The following EYA1 variants were observed in gnomAD, a reference collection of about 807,000 sequenced individuals.
EYA1 encodes the protein protein phosphatase EYA1.
A neutral mutation model predicts 82.0 loss-of-function variants in EYA1; 16 were observed. The observed-to-expected ratio is 0.20, with a 90% CI of 0.13 to 0.30. EYA1 has a LOEUF of 0.30. Ranked by LOEUF, EYA1 falls within the 10% of genes least tolerant of loss-of-function variation. The probability of loss-of-function intolerance (pLI) is 1.00; values close to 1 mark genes in which losing one functional copy is unlikely to be tolerated. For synonymous variants in EYA1, 261 were observed against 264.4 expected (o/e 0.99, Z 0.12); for missense variants, 633 against 730.7 (o/e 0.87, Z 1.54).
rs188434196 is a variant in EYA1 at position 71,332,633 on chromosome 8, T to C, written c.202+1464A>G. 2.6e-5 allele frequency among the ~76,000 whole-genome samples: 4 copies of C among 152,298 alleles called. No homozygotes were observed. The East Asian group carries it at 7.7e-4, about 29-fold the overall frequency. ...CTTCAGCTCACCTGCCCCTAATTCATCCTGCCATGGTGGCCATAATTCTGT... is the reference window on the plus strand; with the variant it reads ...CTTCAGCTCACCTGCCCCTAATTCACCCTGCCATGGTGGCCATAATTCTGT... On this transcript the variant is annotated intron_variant, in intron 4 of 17. Coordinates refer to ENST00000340726, the MANE Select transcript of EYA1 (RefSeq NM_000503.6).
intron 2 of EYA1, among the ~76,000 whole-genome samples, chr8:71,402,676 G>C (rs1034616113): frequency 3.9e-5 from 6 of 152,114 alleles, no homozygotes; most frequent in Non-Finnish European, 8.8e-5. Flanking sequence ...TTGAAGAGTA[G>C]GGCAAGACTG....
intron 2 of EYA1, among the ~76,000 whole-genome samples, chr8:71,455,592 G>C (rs1252957537): frequency 6.6e-6 from 1 of 152,198 alleles, no homozygotes; most frequent in African/African-American, 2.4e-5. Flanking sequence ...TGGGATGCAA[G>C]GCTGGTTCAA....
intron 11 of EYA1, among the ~76,000 whole-genome samples, chr8:71,245,913 AT>A (rs1252059617): frequency 6.6e-6 from 1 of 151,892 alleles, no homozygotes; most frequent in Non-Finnish European, 1.5e-5. Flanking sequence ...CTATCTAAAA[AT>A]TCAAGTGTTG....
chr8:71,547,357 A>T (rs761729944), intron 1 of EYA1, among the ~76,000 whole-genome samples: 85 of 151,028 alleles, frequency 5.6e-4, no homozygotes, highest in Non-Finnish European at 9.4e-4. Flanking sequence ...ATCAGTTACC[A>T]CCTCCCCGAA....
chr8:71,336,706 T>G (rs1186772380), intron 3 of EYA1, among the ~76,000 whole-genome samples: 4 of 152,200 alleles, frequency 2.6e-5, no homozygotes, highest in Non-Finnish European at 5.9e-5. Flanking sequence ...AACACTGCTT[T>G]TCACCATTGT....
chr8:71,356,726 G>C (rs566240595), intron 1 of EYA1: 24 of 1,230,060 alleles, frequency 2.0e-5, no homozygotes, highest in Middle Eastern at 3.1e-4. Flanking sequence ...CCCTTGTCAG[G>C]GGGGGAAGGC....
At chr8:71,215,049 TTGC>T (rs1347406236) in intron 16 of EYA1, among the ~76,000 whole-genome samples, 1 of 152,232 alleles carries the variant, frequency 6.6e-6, no homozygotes, top group Non-Finnish European at 1.5e-5. Context: ...TAATTCTATC[TTGC>T]TGTTTGTTTT....
intron 2 of EYA1, among the ~76,000 whole-genome samples, chr8:71,518,504 C>A (rs1813152954): frequency 6.6e-6 from 1 of 152,134 alleles, no homozygotes; most frequent in African/African-American, 2.4e-5. Context: ...TGACCATTAC[C>A]TCCCATGAAA....
At chr8:71,349,222 A>G (rs984251464) in intron 3 of EYA1, among the ~76,000 whole-genome samples, 1 of 152,168 alleles carries the variant, frequency 6.6e-6, no homozygotes. Context: ...ACCGGACTAT[A>G]ACCACCCTGA....
chr8:71,351,641 T>A (rs1366170296), intron 3 of EYA1, among the ~76,000 whole-genome samples: 1 of 152,210 alleles, frequency 6.6e-6, no homozygotes, highest in Non-Finnish European at 1.5e-5. Context: ...TGTCTTTCTG[T>A]CTTTATCCCT....
At chr8:71,265,959 C>T (rs184767634) in intron 11 of EYA1, among the ~76,000 whole-genome samples, 51 of 152,322 alleles carry the variant, frequency 3.3e-4, no homozygotes, top group East Asian at 5.8e-4. Context: ...TAACACCCAA[C>T]GTGCCTTCTT....
chr8:71,340,918 T>C (rs1825052713), intron 3 of EYA1, among the ~76,000 whole-genome samples: 2 of 152,182 alleles, frequency 1.3e-5, no homozygotes, highest in South Asian at 4.1e-4. Context: ...TTCATACTAC[T>C]AGACACATTG....
intron 2 of EYA1, among the ~76,000 whole-genome samples, chr8:71,392,246 C>T (rs966159814): frequency 1.3e-5 from 2 of 152,090 alleles, no homozygotes; most frequent in Non-Finnish European, 2.9e-5. Flanking sequence ...AAGGAAAACT[C>T]CTGAAGACTT....
chr8:71,288,463 T>C lies in EYA1; in HGVS notation c.826+10584A>G, dbSNP rs73288381. Among the ~76,000 whole-genome samples the C allele has an allele frequency of 9.0e-3, 1,364 of 152,278 alleles. 24 individuals are homozygous for C. Among genetic ancestry groups the C allele is most frequent in the African/African-American group, 0.031 (1,294 of 41,548 alleles). On this transcript the variant is annotated intron_variant, in intron 9 of 17. Coordinates refer to ENST00000340726, the MANE Select transcript of EYA1 (RefSeq NM_000503.6). Reference sequence around the variant, plus strand: ...GTCACCAATGGCAGGCTGTGCTGCTTAGGAAAAATTTAATCTTTCTGGATT... The same window carrying C: ...GTCACCAATGGCAGGCTGTGCTGCTCAGGAAAAATTTAATCTTTCTGGATT...
chr8:71,402,833 G>T (rs1370829688), intron 2 of EYA1, among the ~76,000 whole-genome samples: 2 of 152,066 alleles, frequency 1.3e-5, no homozygotes, highest in Non-Finnish European at 2.9e-5. Flanking sequence ...CATGACAAAG[G>T]TGCCATTTCA....
At chr8:71,352,858 A>G (rs1406645795) in intron 3 of EYA1, among the ~76,000 whole-genome samples, 6 of 152,214 alleles carry the variant, frequency 3.9e-5, no homozygotes, top group Admixed American at 3.9e-4. Flanking sequence ...ACTCACACAA[A>G]GCCATCTAAG....
intron 3 of EYA1, 116 bp from the exon 4 acceptor site, chr8:71,334,290 C>T: frequency 2.4e-6 from 2 of 848,674 alleles, no homozygotes; most frequent in Non-Finnish European, 4.0e-6. Context: ...AAACATTTTC[C>T]CTAACTGAAC....
intron 2 of EYA1, among the ~76,000 whole-genome samples, chr8:71,490,459 C>T (rs549745799): frequency 6.6e-5 from 10 of 151,990 alleles, no homozygotes; most frequent in Non-Finnish European, 1.3e-4. Context: ...AAGGCTTTTA[C>T]GACTTATGTT....
intron 2 of EYA1, among the ~76,000 whole-genome samples, chr8:71,370,060 A>G (rs10100859): frequency 0.46 from 70,096 of 151,770 alleles, 16,609 homozygotes; most frequent in African/African-American, 0.52. Flanking sequence ...ACCATATACC[A>G]CATTCTAGCT....
Sources: gnomAD v4.1 joint callset for allele counts (sites outside exome capture counted in the v4.1 genomes callset) on GRCh38, gnomAD v4.1.1 for gene constraint, MANE v1.5 for transcripts, NCBI Gene and HGNC (gene_info 2026-07-23, HGNC 2026-07-21) for gene names.